Variants in GLI2 observed in about 807,000 individuals in gnomAD.
GLI2 encodes the protein transcription activator GLI2.
A neutral mutation model predicts 78.9 loss-of-function variants in GLI2; 22 were observed. That is an observed-to-expected ratio of 0.28 (90% CI 0.20 to 0.40). The LOEUF (loss-of-function observed/expected upper bound fraction) is 0.40. Among genes scored for constraint, GLI2 ranks in the 10% least tolerant of loss-of-function variants. GLI2 has a pLI of 1.00. For missense variants in GLI2, 2,097 were observed against 2,213.2 expected (o/e 0.95, Z 1.05); for synonymous variants, 974 against 963.7 (o/e 1.01, Z -0.20).
Position 120,990,588 on chromosome 2 carries a change from A to G in GLI2, c.4623A>G (p.Ala1541=). ...RNSLTLPSIP[A]GISNMAVGDM... is the part of the protein sequence containing the mutation. ...CCTTGACCCTGCCCTCCATCCCCGC[A>G]GGCATCAGCAACATGGCTGTCGGGG... The change falls in exon 14 of 14, where the codon GCA becomes GCG. Residue 1541 remains alanine, a synonymous_variant. Coordinates refer to ENST00000361492, the MANE Select transcript of GLI2 (RefSeq NM_001374353.1). The G allele has an allele frequency of 6.2e-7, 1 of 1,613,622 alleles. No homozygotes were observed. Among genetic ancestry groups the G allele is most frequent in the East Asian group, 2.2e-5 (1 of 44,838 alleles).
At chr2:120,863,478 G>A (rs1450517033) in intron 2 of GLI2, among the ~76,000 whole-genome samples, 2 of 152,224 alleles carry the variant, frequency 1.3e-5, no homozygotes, top group Non-Finnish European at 2.9e-5. Flanking sequence ...AGGACTCCAC[G>A]TGAAGAACAC....
At chr2:120,987,038 A>T (rs1424996535) in intron 13 of GLI2, among the ~76,000 whole-genome samples, 1 of 152,208 alleles carries the variant, frequency 6.6e-6, no homozygotes, top group Non-Finnish European at 1.5e-5. Context: ...CTGCAGAACG[A>T]GCCAGGTACC....
chr2:120,815,457 C>T (rs1383778699), intron 2 of GLI2, among the ~76,000 whole-genome samples: 2 of 152,158 alleles, frequency 1.3e-5, no homozygotes, highest in East Asian at 1.9e-4. Flanking sequence ...TTGCCTGCCC[C>T]GCCAGCCCCC....
chr2:120,779,405 A>G (rs946474816), intron 1 of GLI2, among the ~76,000 whole-genome samples: 7 of 152,194 alleles, frequency 4.6e-5, no homozygotes, highest in African/African-American at 1.7e-4. Flanking sequence ...TTCCTGGCCT[A>G]ACAGGCAACT....
chr2:120,930,491 G>GT (rs1452665267), intron 3 of GLI2, among the ~76,000 whole-genome samples: 11 of 152,202 alleles, frequency 7.2e-5, no homozygotes, highest in Non-Finnish European at 1.5e-4. Context: ...TTGTGGGAGC[G>GT]TAAGTATGGA....
chr2:120,961,257 G>C (rs912943098), intron 5 of GLI2, among the ~76,000 whole-genome samples: 1 of 152,176 alleles, frequency 6.6e-6, no homozygotes, highest in Non-Finnish European at 1.5e-5. Flanking sequence ...TATGCTGCCT[G>C]TGGATCCGGG....
At chr2:120,825,895 G>A (rs1686032928) in intron 2 of GLI2, among the ~76,000 whole-genome samples, 1 of 152,246 alleles carries the variant, frequency 6.6e-6, no homozygotes. Flanking sequence ...TGTGGCTGCT[G>A]GTTCGCAGAT....
At position 120,989,258 on chromosome 2, in the gene GLI2, C is replaced by T. The variant is rs768624852; in HGVS notation, c.3293C>T (p.Ser1098Phe). The T allele has an allele frequency of 6.0e-5, 96 of 1,613,022 alleles. No individual in the cohort carries two copies. Among genetic ancestry groups the T allele is most frequent in the Non-Finnish European group, 8.0e-5 (94 of 1,180,034 alleles). The part of the protein sequence containing the change: ...HGQRRMVAAD[S>F]NVGPSAPMLG... ...CAGCGCAGGATGGTGGCTGCGGACT[C>T]CAACGTGGGCCCCTCCGCCCCTATG... Residue 1098 changes from serine to phenylalanine, a missense_variant, in exon 14 of 14, where the codon TCC (serine) becomes TTC (phenylalanine). Ser to Phe is a radical substitution (Grantham distance 155). Around this residue, in one of 5 missense-constraint regions of GLI2, gnomAD observed 1,290 missense variants for 1,261.7 expected, o/e 1.02. Coordinates refer to ENST00000361492, the MANE Select transcript of GLI2 (RefSeq NM_001374353.1).
intron 1 of GLI2, among the ~76,000 whole-genome samples, chr2:120,776,351 G>T (rs1355821643): frequency 6.6e-6 from 1 of 152,238 alleles, no homozygotes; most frequent in Admixed American, 6.5e-5. Flanking sequence ...CTTCCAAAGG[G>T]AGGCCCAGTG....
chr2:120,797,816 C>T (rs1684476663), intron 2 of GLI2, among the ~76,000 whole-genome samples: 1 of 152,110 alleles, frequency 6.6e-6, no homozygotes, highest in Non-Finnish European at 1.5e-5. Context: ...GAAATGTGCC[C>T]AGAGAACTTC....
intron 2 of GLI2, among the ~76,000 whole-genome samples, chr2:120,820,018 G>A (rs990960144): frequency 3.3e-5 from 5 of 152,102 alleles, no homozygotes; most frequent in East Asian, 1.9e-4. Flanking sequence ...ATGGCCAGCC[G>A]CCAAGGCCAT....
Position 120,988,581 on chromosome 2 carries a change from G to A in GLI2, c.2616G>A (p.Leu872=). Residue 872 remains leucine (L), a synonymous_variant, in exon 14 of 14, where the codon CTG becomes CTA. Coordinates refer to ENST00000361492, the MANE Select transcript of GLI2 (RefSeq NM_001374353.1). The part of the protein sequence containing the change: ...LNLTPAQQYS[L]RAKYAAATGG... Reference sequence around the variant, plus strand: ...TCACGCCGGCGCAGCAGTACAGCCTGCGGGCCAAGTACGCGGCAGCCACTG... The same window carrying A: ...TCACGCCGGCGCAGCAGTACAGCCTACGGGCCAAGTACGCGGCAGCCACTG... 1 of 1,493,214 alleles carries A rather than the reference G, an allele frequency of 6.7e-7. No homozygotes were observed. 92.5% of individuals were successfully genotyped at this position (1,493,214 alleles called of 1,614,324 possible). A position where few individuals can be genotyped will look rare whatever the true frequency, so the allele number is the denominator to read the frequency against.
chr2:120,843,671 G>T (rs1005900576), intron 2 of GLI2, among the ~76,000 whole-genome samples: 3 of 151,958 alleles, frequency 2.0e-5, no homozygotes, highest in African/African-American at 7.3e-5. Flanking sequence ...GTTTATTTTT[G>T]TTGTTGTTGT....
intron 2 of GLI2, among the ~76,000 whole-genome samples, chr2:120,918,803 T>G (rs908662317): frequency 1.3e-5 from 2 of 152,254 alleles, no homozygotes; most frequent in African/African-American, 4.8e-5. Flanking sequence ...ATGATGAAAC[T>G]GAAGCTTGGA....
intron 3 of GLI2, among the ~76,000 whole-genome samples, chr2:120,933,146 A>G (rs1408919883): frequency 6.6e-6 from 1 of 152,130 alleles, no homozygotes; most frequent in Non-Finnish European, 1.5e-5. Flanking sequence ...AGGCAGCTGC[A>G]CGTGGGGAAG....
chr2:120,826,130 G>T (rs1031046633), intron 2 of GLI2, among the ~76,000 whole-genome samples: 9 of 152,348 alleles, frequency 5.9e-5, no homozygotes, highest in Non-Finnish European at 1.0e-4. Flanking sequence ...CGGCTGGGTG[G>T]GGTGGGAGGG....
intron 5 of GLI2, among the ~76,000 whole-genome samples, chr2:120,955,876 A>G: frequency 6.6e-6 from 1 of 152,078 alleles, no homozygotes; most frequent in East Asian, 1.9e-4. Flanking sequence ...AGGAAACTGC[A>G]GTGCAAAGGG....
At chr2:120,824,170 A>G (rs1397223885) in intron 2 of GLI2, among the ~76,000 whole-genome samples, 1 of 152,220 alleles carries the variant, frequency 6.6e-6, no homozygotes, top group Non-Finnish European at 1.5e-5. Flanking sequence ...CCAGGTTCGG[A>G]GAAGCTAAGT....
chr2:120,914,433 T>C (rs533030815), intron 2 of GLI2, among the ~76,000 whole-genome samples: 17 of 152,352 alleles, frequency 1.1e-4, no homozygotes, highest in South Asian at 2.1e-4. Context: ...TTCAAATCTA[T>C]TGCATTTTGC....
Sources: gnomAD v4.1 joint callset for allele counts (sites outside exome capture counted in the v4.1 genomes callset) on GRCh38, gnomAD v4.1.1 for gene constraint, gnomAD v4.1.1 regional missense constraint, MANE v1.5 for transcripts, NCBI Gene and HGNC (gene_info 2026-07-23, HGNC 2026-07-21) for gene names.